Variants in PUDP observed in about 807,000 individuals in gnomAD.
The protein encoded by PUDP is pseudouridine-5'-phosphatase.
A neutral mutation model predicts 9.4 loss-of-function variants in PUDP; 8 were observed. That is an observed-to-expected ratio of 0.85 (90% CI 0.50 to 1.53). The LOEUF (loss-of-function observed/expected upper bound fraction) is 1.53, where lower values mean the gene tolerates loss of function less well. Among genes scored for constraint, PUDP ranks in the 40% most tolerant of loss-of-function variants. The pLI, the probability that PUDP is intolerant of heterozygous loss-of-function variation, is 0.00. For synonymous variants in PUDP, 99 were observed against 80.7 expected, an observed-to-expected ratio of 1.23 and a Z score of -1.22; for missense variants, 188 against 189.7, an observed-to-expected ratio of 0.99 and a Z score of 0.05.
intron 3 of PUDP, among the ~76,000 whole-genome samples, chrX:6,847,528 A>G (rs1473974552): frequency 8.9e-6 from 1 of 112,144 alleles, no homozygotes; most frequent in Non-Finnish European, 1.9e-5. Flanking sequence ...AGTGACACAA[A>G]AAGATCCCAA....
chrX:6,809,103 G>A (rs1426283904), intron 3 of PUDP, among the ~76,000 whole-genome samples: 2 of 111,115 alleles, frequency 1.8e-5, no homozygotes, highest in Admixed American at 9.6e-5. Context: ...AATGCTGGCT[G>A]ACTGCTCCTT....
At chrX:6,889,877 G>A (rs1228629888) in intron 3 of PUDP, among the ~76,000 whole-genome samples, 1 of 111,293 alleles carries the variant, frequency 9.0e-6, no homozygotes, top group East Asian at 2.8e-4. Context: ...ATCCTCACGG[G>A]CTGTGAGGAA....
intron 3 of PUDP, among the ~76,000 whole-genome samples, chrX:6,797,550 A>G (rs1431219560): frequency 9.0e-6 from 1 of 111,572 alleles, no homozygotes; most frequent in Non-Finnish European, 1.9e-5. Context: ...AGAAGGCTGC[A>G]TGGTGAGGAA....
intron 3 of PUDP, among the ~76,000 whole-genome samples, chrX:7,070,582 CT>C (rs775715448): frequency 0.025 from 2,626 of 104,766 alleles, 29 homozygotes; most frequent in Non-Finnish European, 0.038. Context: ...CAAATATTAA[CT>C]TTTTTTTTTT....
chrX:6,790,826 C>T (rs1344884998), intron 3 of PUDP, among the ~76,000 whole-genome samples: 1 of 112,130 alleles, frequency 8.9e-6, no homozygotes, highest in African/African-American at 3.2e-5. Context: ...TGGTCTACAT[C>T]TCCATAGGGA....
chrX:7,061,572 A>G (rs950661251), intron 3 of PUDP, among the ~76,000 whole-genome samples: 1 of 110,335 alleles, frequency 9.1e-6, no homozygotes, highest in African/African-American at 3.3e-5. Context: ...CACTACAGAG[A>G]AGAATCCCCC....
intron 1 of PUDP, among the ~76,000 whole-genome samples, chrX:6,720,330 A>G (rs1602598135): frequency 1.1e-5 from 1 of 94,692 alleles, no homozygotes; most frequent in East Asian, 3.4e-4. Context: ...GCCATTAATC[A>G]GAAGTAATTT....
At chrX:7,079,643 T>C (rs999908767) in intron 2 of PUDP, among the ~76,000 whole-genome samples, 1 of 112,851 alleles carries the variant, frequency 8.9e-6, no homozygotes, top group African/African-American at 3.2e-5. Context: ...AGAATTAAAA[T>C]AGACATTAAT....
Position 7,050,458 on chromosome X carries a change from T to G in PUDP, c.525A>C (p.Glu175Asp). Reference protein sequence around the residue: ...PPAMEKCLVFEDAPNGVEAAL... With the variant: ...PPAMEKCLVFDDAPNGVEAAL... Reference sequence around the variant, plus strand: ...CCGCCTCCACCCCATTGGGAGCATCTTCAAAGACAAGGCACTGTAGGAAGA... The same window carrying G: ...CCGCCTCCACCCCATTGGGAGCATCGTCAAAGACAAGGCACTGTAGGAAGA... The change falls in exon 4 of 4, where the codon GAA becomes GAC. Residue 175 changes from glutamate (E) to aspartate (D), a missense_variant. Physicochemically the swap from Glu to Asp is conservative, Grantham distance 45 (BLOSUM62 2). Transcript: ENST00000381077. The G allele has an allele frequency of 8.3e-7, 1 of 1,210,592 alleles. No homozygotes were observed. Among genetic ancestry groups the G allele is most frequent in the South Asian group, 1.8e-5 (1 of 56,748 alleles).
chrX:6,926,151 T>G (rs1276624925), intron 3 of PUDP, among the ~76,000 whole-genome samples: 1 of 111,578 alleles, frequency 9.0e-6, no homozygotes, highest in African/African-American at 3.3e-5. Flanking sequence ...GGTGGGGGAC[T>G]TAGGATTCTA....
intron 1 of PUDP, among the ~76,000 whole-genome samples, chrX:6,979,157 C>A (rs1313205645): frequency 1.8e-5 from 2 of 111,964 alleles, no homozygotes; most frequent in African/African-American, 3.2e-5. Context: ...GTATGGTACC[C>A]TCCAAAGTGT....
intron 1 of PUDP, among the ~76,000 whole-genome samples, chrX:6,998,407 T>C (rs750536544): frequency 9.9e-5 from 11 of 111,458 alleles, no homozygotes; most frequent in Non-Finnish European, 2.1e-4. Context: ...GTACTACTCT[T>C]GTTCAAATAT....
At chrX:7,069,552 T>C (rs1475777088) in intron 3 of PUDP, among the ~76,000 whole-genome samples, 1 of 109,034 alleles carries the variant, frequency 9.2e-6, no homozygotes, top group African/African-American at 3.4e-5. Flanking sequence ...AGGGGAGTAA[T>C]GATGGGGTGT....
At chrX:6,929,469 T>C (rs1429579988) in intron 3 of PUDP, among the ~76,000 whole-genome samples, 11 of 112,924 alleles carry the variant, frequency 9.7e-5, no homozygotes, top group Non-Finnish European at 1.9e-4. Context: ...AAAGAGTTAT[T>C]GTCTAAAGAC....
chrX:7,021,196 AT>A (rs1259776891), intron 1 of PUDP, among the ~76,000 whole-genome samples: 3 of 112,259 alleles, frequency 2.7e-5, no homozygotes, highest in Non-Finnish European at 5.6e-5. Context: ...CTTTTATTAT[AT>A]AAAAAAGTAA....
chrX:6,906,807 C>T (rs1372065492), intron 3 of PUDP, among the ~76,000 whole-genome samples: 1 of 111,826 alleles, frequency 8.9e-6, no homozygotes, highest in Non-Finnish European at 1.9e-5. Context: ...CAGACTGTAG[C>T]TGAGACACCT....
At chrX:6,728,722 A>C in intron 3 of PUDP, among the ~76,000 whole-genome samples, 2 of 111,783 alleles carry the variant, frequency 1.8e-5, no homozygotes, top group East Asian at 2.8e-4. Context: ...CTCCGTTAGC[A>C]TCTTGGACTG....
chrX:6,727,270 A>G (rs1434963290), intron 3 of PUDP, among the ~76,000 whole-genome samples: 1 of 111,740 alleles, frequency 8.9e-6, no homozygotes. Context: ...AAAACAATAG[A>G]ATTGATAAAT....
At chrX:6,961,411 T>A (rs113373512) in intron 3 of PUDP, among the ~76,000 whole-genome samples, 1,110 of 110,771 alleles carry the variant, frequency 0.01, 9 homozygotes, top group African/African-American at 0.032. Flanking sequence ...TAAAAAAGAC[T>A]ACCCATGTGT....
Sources: gnomAD v4.1 joint callset for allele counts (sites outside exome capture counted in the v4.1 genomes callset) on GRCh38, gnomAD v4.1.1 for gene constraint, MANE v1.5 for transcripts, NCBI Gene and HGNC (gene_info 2026-07-23, HGNC 2026-07-21) for gene names.